Variants in TLN2 observed in about 807,000 individuals in gnomAD.
TLN2 encodes talin 2, also known as talin-2.
Under a neutral mutation model 294.7 loss-of-function variants are expected in TLN2, and 118 were observed. The ratio of observed to expected loss-of-function variants is 0.40; its 90% CI spans 0.34 to 0.47. The LOEUF (loss-of-function observed/expected upper bound fraction) is 0.47. TLN2 is among the 20% of genes least tolerant of loss of function. TLN2 has a pLI of 0.84. For synonymous variants in TLN2, 1,431 were observed against 1,304.5 expected, an observed-to-expected ratio of 1.10 and a Z score of -2.09; for missense variants, 3,083 against 3,282.2, an observed-to-expected ratio of 0.94 and a Z score of 1.48.
At chr15:62,638,335 ATGACAG>A (rs1381071802) in intron 3 of TLN2, 2 of 354,532 alleles carry the variant, frequency 5.6e-6, no homozygotes, top group Non-Finnish European at 1.1e-5. Flanking sequence ...TACCATTTCT[ATGACAG>A]TGATAGGCAG....
chr15:62,622,434 C>G (rs75900670), intron 3 of TLN2, among the ~76,000 whole-genome samples: 3,480 of 152,176 alleles, frequency 0.023, 149 homozygotes, highest in African/African-American at 0.08. Context: ...ACCCAATATC[C>G]ATTCAGTCCA....
At chr15:62,754,418 T>C (rs965508062) in intron 36 of TLN2, 4 of 152,076 alleles carry the variant, frequency 2.6e-5, no homozygotes, top group African/African-American at 9.7e-5. Flanking sequence ...GGCCTCAAAG[T>C]TGGGTAGAAT....
At chr15:62,741,748 C>CGCGCGCGTGTGTGTGT in intron 32 of TLN2, among the ~76,000 whole-genome samples, 9 of 131,160 alleles carry the variant, frequency 6.9e-5, no homozygotes, top group Non-Finnish European at 8.0e-5. Context: ...AAAATTTGCG[C>CGCGCGCGTGTGTGTGT]GTGTGTGTGT....
chr15:62,822,427 A>G (rs1348942389), intron 54 of TLN2, among the ~76,000 whole-genome samples: 2 of 152,250 alleles, frequency 1.3e-5, no homozygotes, highest in Non-Finnish European at 2.9e-5. Context: ...CGCGTTGTTC[A>G]GCTGCCAAGC....
intron 1 of TLN2, among the ~76,000 whole-genome samples, chr15:62,391,887 G>A (rs1469278659): frequency 3.9e-5 from 6 of 152,278 alleles, no homozygotes; most frequent in South Asian, 2.1e-4. Flanking sequence ...CTCAGCCGGA[G>A]CCGTGCGCTG....
chr15:62,668,410 G>A (rs924691612), intron 9 of TLN2, among the ~76,000 whole-genome samples: 2 of 152,144 alleles, frequency 1.3e-5, no homozygotes, highest in South Asian at 2.1e-4. Context: ...TGACATCTGT[G>A]TTTGAATTCA....
intron 1 of TLN2, among the ~76,000 whole-genome samples, chr15:62,550,243 C>T (rs2042220715): frequency 6.6e-6 from 1 of 152,052 alleles, no homozygotes; most frequent in African/African-American, 2.4e-5. Flanking sequence ...AGCATACTTA[C>T]AACAGGAAAT....
chr15:62,789,512 C>T (rs1446404652), intron 45 of TLN2, among the ~76,000 whole-genome samples: 4 of 152,110 alleles, frequency 2.6e-5, no homozygotes, highest in African/African-American at 2.4e-5. Context: ...GTTTTTAGAG[C>T]GTAGCCTTTG....
chr15:62,470,494 C>T (rs2037409162), intron 1 of TLN2, among the ~76,000 whole-genome samples: 1 of 152,238 alleles, frequency 6.6e-6, no homozygotes, highest in Non-Finnish European at 1.5e-5. Context: ...ACTTGAATTC[C>T]TAGTGATTCA....
Position 62,771,056 on chromosome 15 carries a change from G to A in TLN2, c.5289G>A (p.Val1763=). 1 of 1,613,674 alleles carries A rather than the reference G, an allele frequency of 6.2e-7. No individual in the cohort carries two copies. The highest frequency in any genetic ancestry group is 1.1e-5 in the South Asian group (1 of 91,038). Residue 1763 remains valine, a synonymous_variant, in exon 42 of 59, where the codon GTG becomes GTA. Coordinates refer to ENST00000636159, the MANE Select transcript of TLN2 (RefSeq NM_015059.3). ...KILDHQQQMT[V]LDQTKTLAES... ...TTGATCATCAGCAGCAGATGACGGTGCTGGACCAGACCAAGACTCTCGCAG... is the reference window on the plus strand; with the variant it reads ...TTGATCATCAGCAGCAGATGACGGTACTGGACCAGACCAAGACTCTCGCAG...
intron 1 of TLN2, among the ~76,000 whole-genome samples, chr15:62,494,717 T>G (rs945624688): frequency 3.3e-5 from 5 of 152,196 alleles, no homozygotes; most frequent in African/African-American, 1.2e-4. Flanking sequence ...AGATTTTTTT[T>G]TTAAGAAAGA....
intron 1 of TLN2, among the ~76,000 whole-genome samples, chr15:62,528,702 G>A (rs1475277312): frequency 2.4e-5 from 3 of 124,620 alleles, no homozygotes; most frequent in African/African-American, 3.2e-5. Flanking sequence ...GCATGTCTCA[G>A]GCAAACAAGT....
intron 9 of TLN2, among the ~76,000 whole-genome samples, chr15:62,669,862 T>G (rs76557913): frequency 0.025 from 3,786 of 152,218 alleles, 77 homozygotes; most frequent in South Asian, 0.051. Context: ...GCCACACACA[T>G]GCACACACTA....
chr15:62,648,930 C>T (rs1399155222), intron 4 of TLN2, among the ~76,000 whole-genome samples: 1 of 152,094 alleles, frequency 6.6e-6, no homozygotes, highest in Non-Finnish European at 1.5e-5. Flanking sequence ...ACTGCAGCCT[C>T]AACCTTCCAG....
At chr15:62,598,327 G>A (rs765403110) in intron 2 of TLN2, among the ~76,000 whole-genome samples, 2 of 152,142 alleles carry the variant, frequency 1.3e-5, no homozygotes, top group African/African-American at 4.8e-5. Flanking sequence ...TCTCTGCCAC[G>A]TCTTGGACAC....
At position 62,819,575 on chromosome 15, in the gene TLN2, C is replaced by T. The variant is rs756688050; in HGVS notation, c.6831C>T (p.Val2277=). ...AGCTGGCCGCTTTCTCCAAGCGAGT[C>T]GCCGGCGCTGTGACAGAGCTCATCC... ...KQQLAAFSKR[V]AGAVTELIQA... Residue 2277 remains valine, a synonymous_variant, in exon 53 of 59, where the codon GTC becomes GTT. Transcript: ENST00000636159. The T allele has an allele frequency of 5.0e-6, 8 of 1,613,440 alleles. No homozygotes were observed. Among genetic ancestry groups the T allele is most frequent in the South Asian group, 4.4e-5 (4 of 91,060 alleles).
rs1243767209 is a variant in TLN2, at chr15:62,655,941, C to T, written c.518-3C>T. On this transcript the variant is annotated splice_region_variant and splice_polypyrimidine_tract_variant and intron_variant, in intron 7 of 58. Coordinates refer to ENST00000636159, the MANE Select transcript of TLN2 (RefSeq NM_015059.3). The stretch of plus-strand genomic sequence containing the variant: ...TTCTCTTATATGTCTTGTTGTGTTG[C>T]AGTAAATTGGCTGGATCACAGCCGA... 4.3e-6 allele frequency: 7 copies of T among 1,613,980 alleles called. 1 individual carries two copies. The Admixed American group carries it at 6.7e-5, about 15-fold the overall frequency.
chr15:62,509,119 T>C (rs768142773), intron 1 of TLN2, among the ~76,000 whole-genome samples: 6 of 152,198 alleles, frequency 3.9e-5, no homozygotes, highest in Non-Finnish European at 2.9e-5. Flanking sequence ...TGGACCAAGA[T>C]GGTCTGGCTC....
chr15:62,448,832 G>A (rs770273353), intron 1 of TLN2, among the ~76,000 whole-genome samples: 10 of 152,194 alleles, frequency 6.6e-5, no homozygotes, highest in Non-Finnish European at 1.3e-4. Context: ...AATGTTAAAA[G>A]TGCAGCTCAT....
Sources: allele counts gnomAD v4.1 joint callset (sites outside exome capture counted in the v4.1 genomes callset), GRCh38; gene constraint gnomAD v4.1.1; transcripts MANE v1.5; gene names NCBI Gene and HGNC (gene_info 2026-07-23, HGNC 2026-07-21).